Variants in CERT1 observed in about 807,000 individuals in gnomAD.
CERT1 encodes ceramide transfer protein.
A neutral mutation model predicts 87.9 loss-of-function variants in CERT1; 31 were observed. The observed-to-expected ratio is 0.35, with a 90% CI of 0.27 to 0.48. The LOEUF is 0.48. CERT1 is among the 20% of genes least tolerant of loss of function. The pLI is 0.99. For synonymous variants in CERT1, 289 were observed against 250.9 expected, an observed-to-expected ratio of 1.15 and a Z score of -1.44; for missense variants, 487 against 758.0, an observed-to-expected ratio of 0.64 and a Z score of 4.20.
At chr5:75,479,538 A>T (rs1299706012) in intron 2 of CERT1, among the ~76,000 whole-genome samples, 1 of 152,160 alleles carries the variant, frequency 6.6e-6, no homozygotes, top group African/African-American at 2.4e-5. Flanking sequence ...TATAAATGAG[A>T]ACATGTGGTA....
chr5:75,485,325 A>G (rs1358254341), intron 2 of CERT1, among the ~76,000 whole-genome samples: 1 of 148,752 alleles, frequency 6.7e-6, no homozygotes, highest in Non-Finnish European at 1.5e-5. Flanking sequence ...AAAAAAAAAA[A>G]AAAAAAAAAA....
intron 7 of CERT1, among the ~76,000 whole-genome samples, chr5:75,411,477 C>T (rs1762933454): frequency 6.6e-6 from 1 of 152,108 alleles, no homozygotes; most frequent in African/African-American, 2.4e-5. Flanking sequence ...TCACACCCAG[C>T]TAATTTTGGT....
intron 2 of CERT1, among the ~76,000 whole-genome samples, chr5:75,465,213 A>G (rs932227218): frequency 2.6e-5 from 4 of 152,176 alleles, no homozygotes; most frequent in African/African-American, 9.7e-5. Context: ...CCCAGGTTCT[A>G]CCAGTCAGAA....
intron 2 of CERT1, among the ~76,000 whole-genome samples, chr5:75,476,806 C>A (rs1765971619): frequency 6.6e-6 from 1 of 152,114 alleles, no homozygotes; most frequent in Admixed American, 6.5e-5. Context: ...ATGCATAATG[C>A]CCTTCCTTGG....
At chr5:75,382,147 T>C (rs1260776044) in intron 14 of CERT1, 70 bp from the exon 15 acceptor site, 14 of 1,421,258 alleles carry the variant, frequency 9.9e-6, no homozygotes, top group Admixed American at 2.2e-5. Context: ...GTAATGCCAA[T>C]AAATGTCTTA....
intron 8 of CERT1, among the ~76,000 whole-genome samples, chr5:75,410,534 C>T (rs1476770404): frequency 1.3e-5 from 2 of 150,076 alleles, no homozygotes; most frequent in Non-Finnish European, 2.9e-5. Flanking sequence ...GGCGTGAACC[C>T]GGGAGGCGGA....
intron 3 of CERT1, among the ~76,000 whole-genome samples, chr5:75,455,422 T>G (rs1275624111): frequency 6.6e-6 from 1 of 152,182 alleles, no homozygotes; most frequent in Admixed American, 6.5e-5. Flanking sequence ...TATTTCTTAT[T>G]GGTAAAAATG....
chr5:75,427,783 A>G (rs1437104502), intron 3 of CERT1, among the ~76,000 whole-genome samples: 2 of 152,194 alleles, frequency 1.3e-5, no homozygotes, highest in Non-Finnish European at 2.9e-5. Context: ...TGGTGAAAAC[A>G]AACCTGTAGG....
At chr5:75,508,827 G>C (rs978507956) in intron 1 of CERT1, among the ~76,000 whole-genome samples, 1 of 152,114 alleles carries the variant, frequency 6.6e-6, no homozygotes, top group African/African-American at 2.4e-5. Flanking sequence ...AGGATGGACA[G>C]AATTTCAAAC....
intron 8 of CERT1, among the ~76,000 whole-genome samples, chr5:75,409,773 CG>C (rs1762854090): frequency 6.6e-6 from 1 of 151,700 alleles, no homozygotes; most frequent in Non-Finnish European, 1.5e-5. Context: ...GTGATCCCCC[CG>C]CCTCAGCCTC....
chr5:75,398,239 CAT>C (rs1249533346), intron 11 of CERT1, among the ~76,000 whole-genome samples: 1 of 152,026 alleles, frequency 6.6e-6, no homozygotes, highest in African/African-American at 2.4e-5. Context: ...TATTTATAAA[CAT>C]AAAAATAATA....
intron 2 of CERT1, among the ~76,000 whole-genome samples, chr5:75,484,126 T>C (rs1387411210): frequency 6.6e-6 from 1 of 152,096 alleles, no homozygotes; most frequent in Non-Finnish European, 1.5e-5. Flanking sequence ...CTCTGTTTCT[T>C]AGTTTGTTTC....
At chr5:75,460,857 T>C (rs754080638) in intron 2 of CERT1, among the ~76,000 whole-genome samples, 2 of 152,192 alleles carry the variant, frequency 1.3e-5, no homozygotes, top group Non-Finnish European at 2.9e-5. Flanking sequence ...TCTGACTGAT[T>C]AAAGGATTCA....
At chr5:75,499,458 G>T (rs1022491367) in intron 2 of CERT1, among the ~76,000 whole-genome samples, 1 of 152,226 alleles carries the variant, frequency 6.6e-6, no homozygotes, top group African/African-American at 2.4e-5. Flanking sequence ...GTCCCCCTTT[G>T]CCTGGTTTGC....
intron 2 of CERT1, among the ~76,000 whole-genome samples, chr5:75,485,452 C>G (rs1332511848): frequency 6.6e-6 from 1 of 151,038 alleles, no homozygotes; most frequent in East Asian, 1.9e-4. Flanking sequence ...AATAGACAAC[C>G]TAATGATGCA....
intron 1 of CERT1, among the ~76,000 whole-genome samples, chr5:75,506,347 T>TATA (rs1385518208): frequency 2.6e-5 from 4 of 152,216 alleles, no homozygotes; most frequent in Non-Finnish European, 5.9e-5. Flanking sequence ...CTGTAAGAAA[T>TATA]AAAATATAAC....
rs1166599687 is a variant in CERT1 at position 75,378,705 on chromosome 5, A to G, written c.*641T>C. On this transcript the variant is annotated 3_prime_UTR_variant, in exon 17 of 17. Transcript: ENST00000643780. ...ACATTTTAACATTCAAAAATATGTC[A>G]GTACATACACAGAAAAATCTGGAGG... The G allele has an allele frequency of 8.5e-5, 13 of 152,276 alleles. No individual in the cohort carries two copies. Among genetic ancestry groups the G allele is most frequent in the Non-Finnish European group, 8.8e-5 (6 of 68,050 alleles). 9.4% of individuals were successfully genotyped at this position (152,276 alleles called of 1,614,324 possible). A position where few individuals can be genotyped will look rare whatever the true frequency, so the allele number is the denominator to read the frequency against.
intron 2 of CERT1, among the ~76,000 whole-genome samples, chr5:75,479,595 C>G (rs1052628418): frequency 2.6e-5 from 4 of 152,170 alleles, no homozygotes; most frequent in African/African-American, 7.2e-5. Context: ...CAGCTCCATC[C>G]ACGTTCCTGC....
At chr5:75,488,381 C>T (rs552116800) in intron 2 of CERT1, among the ~76,000 whole-genome samples, 2 of 151,914 alleles carry the variant, frequency 1.3e-5, no homozygotes, top group Middle Eastern at 6.8e-3. Context: ...GTCTTCTAAA[C>T]AACAAAAATA....
Sources: allele counts gnomAD v4.1 joint callset (sites outside exome capture counted in the v4.1 genomes callset), GRCh38; gene constraint gnomAD v4.1.1; transcripts MANE v1.5; gene names NCBI Gene and HGNC (gene_info 2026-07-23, HGNC 2026-07-21).